NKD2: variants seen among roughly 807,000 people sequenced by gnomAD.
NKD2 encodes the protein protein naked cuticle homolog 2.
A neutral mutation model predicts 34.8 loss-of-function variants in NKD2; 43 were observed. The ratio of observed to expected loss-of-function variants is 1.24; its 90% CI spans 0.97 to 1.60. NKD2 has a LOEUF of 1.60. NKD2 is among the 40% of genes most tolerant of loss of function. NKD2 has a pLI of 0.00. For missense variants in NKD2, 675 were observed against 627.1 expected (o/e 1.08, Z -0.82); for synonymous variants, 278 against 265.1 (o/e 1.05, Z -0.47).
At position 1,009,689 on chromosome 5, in the gene NKD2, C is replaced by T. The variant is rs1579241567; in HGVS notation, c.141+129C>T. 2.8e-6 allele frequency: 2 copies of T among 721,636 alleles called. No individual in the cohort carries two copies. Among genetic ancestry groups the T allele is most frequent in the South Asian group, 2.5e-5 (1 of 40,626 alleles). 44.7% of individuals were successfully genotyped at this position (721,636 alleles called of 1,614,324 possible). A position where few individuals can be genotyped will look rare whatever the true frequency, so the allele number is the denominator to read the frequency against. On this transcript the variant is annotated intron_variant, in intron 3 of 9. Transcript: ENST00000296849. This position sits in a 1 kb window ranked among gnomAD's most constrained non-coding sequence, Gnocchi z 6.9. ...GGGCCGCCATGGCCGCACGAGTGAC[C>T]GGGGGCCAGGAGAGCCAGTCTCTCC...
rs908289423 is a variant in NKD2 at position 1,035,252 on chromosome 5, G to T, written c.575-137G>T. On this transcript the variant is annotated intron_variant, in intron 7 of 9. Coordinates refer to ENST00000296849, the MANE Select transcript of NKD2 (RefSeq NM_033120.4). ...TGAGTTAATGAATGAGTGAACAAGTGAGTGAGTTAATGAATGAGTGAACCA... is the reference window on the plus strand; with the variant it reads ...TGAGTTAATGAATGAGTGAACAAGTTAGTGAGTTAATGAATGAGTGAACCA... 5 of 719,822 alleles carry T rather than the reference G, an allele frequency of 6.9e-6. No homozygotes were observed. In the African/African-American group the frequency reaches 8.8e-5, roughly 13 times the overall value. The allele number at this position is 719,822 out of a possible 1,614,324, so 44.6% of individuals were successfully genotyped here.
chr5:1,009,166 C>G lies in NKD2; in HGVS notation c.26-13C>G, dbSNP rs1199364097. On this transcript the variant is annotated splice_polypyrimidine_tract_variant and intron_variant, in intron 1 of 9. Coordinates refer to ENST00000296849, the MANE Select transcript of NKD2 (RefSeq NM_033120.4). The surrounding 1 kb of genome is among the most constrained non-coding windows in gnomAD (Gnocchi z 6.9). ...CTGTCGTTTTCCTCTCCCCGCGTCC[C>G]GCCGTGCCGCAGCCGCCGCCGCCCG... 1 of 561,318 alleles carries G rather than the reference C, an allele frequency of 1.8e-6. No homozygotes were observed. The highest frequency in any genetic ancestry group is 3.2e-6 in the Non-Finnish European group (1 of 312,300). The allele number at this position is 561,318 out of a possible 1,614,324, so 34.8% of individuals were successfully genotyped here. A position where few individuals can be genotyped will look rare whatever the true frequency, so the allele number is the denominator to read the frequency against.
At chr5:1,033,554 A>AG (rs1756733586) in intron 5 of NKD2, 55 bp downstream of exon 5, 1 of 1,511,386 alleles carries the variant, frequency 6.6e-7, no homozygotes, top group Middle Eastern at 1.7e-4. Context: ...CCGGGGGCTC[A>AG]GGGACAGGCA....
At chr5:1,037,606 T>G in intron 9 of NKD2, 199 bp from the exon 10 acceptor site, 1 of 1,535,740 alleles carries the variant, frequency 6.5e-7, no homozygotes, top group South Asian at 1.2e-5. Flanking sequence ...CAGGGAGCTG[T>G]GGAGCCAGGC....
intron 3 of NKD2, among the ~76,000 whole-genome samples, chr5:1,026,880 CAGGCGCCT>C (rs1756435116): frequency 6.6e-6 from 1 of 152,362 alleles, no homozygotes; most frequent in East Asian, 1.9e-4. Context: ...CTAAGCTTGG[CAGGCGCCT>C]ACCTTGCTCC....
intron 3 of NKD2, among the ~76,000 whole-genome samples, chr5:1,010,236 A>C (rs77690245): frequency 6.6e-6 from 1 of 152,300 alleles, no homozygotes; most frequent in African/African-American, 2.4e-5. Context: ...CCTGGGGTAA[A>C]TTAGACCTGC....
chr5:1,038,387 C>T lies in NKD2; in HGVS notation c.*14C>T. 1 of 1,535,868 alleles carries T rather than the reference C, an allele frequency of 6.5e-7. No individual in the cohort carries two copies. Among genetic ancestry groups the T allele is most frequent in the South Asian group, 1.2e-5 (1 of 84,042 alleles). On this transcript the variant is annotated 3_prime_UTR_variant, in exon 10 of 10. Coordinates refer to ENST00000296849, the MANE Select transcript of NKD2 (RefSeq NM_033120.4). This position sits in a 1 kb window ranked among gnomAD's most constrained non-coding sequence, Gnocchi z 4.5. ...CACCCGTCCTAGCGCCACTGCCAAG[C>T]ACACCTCGCTCCCAGCACACCACAG...
chr5:1,021,654 C>T (rs898043545), intron 3 of NKD2, among the ~76,000 whole-genome samples: 50 of 151,930 alleles, frequency 3.3e-4, no homozygotes, highest in East Asian at 1.9e-4. Flanking sequence ...AAGCCGGCTG[C>T]GGGGTTTCCA....
At chr5:1,026,822 C>T (rs1252885185) in intron 3 of NKD2, among the ~76,000 whole-genome samples, 1 of 152,266 alleles carries the variant, frequency 6.6e-6, no homozygotes, top group Admixed American at 6.5e-5. Flanking sequence ...CCTGCCCAGC[C>T]GCATCCCAGG....
At chr5:1,036,466 C>A in intron 9 of NKD2, 82 bp downstream of exon 9, 1 of 1,186,114 alleles carries the variant, frequency 8.4e-7, no homozygotes, top group African/African-American at 1.5e-5. Flanking sequence ...GCCCTGAGTG[C>A]AGGGGGCCCC....
At chr5:1,020,599 C>G (rs1439698699) in intron 3 of NKD2, among the ~76,000 whole-genome samples, 3 of 151,840 alleles carry the variant, frequency 2.0e-5, no homozygotes, top group African/African-American at 7.3e-5. Flanking sequence ...TCCCTCTCTC[C>G]AAGCGTGGGG....
rs752971880 is a variant in NKD2, at chr5:1,035,382, C to T, written c.575-7C>T. The T allele has an allele frequency of 6.4e-7, 1 of 1,555,226 alleles. No individual in the cohort carries two copies. ...GGGAGTGAGTAATGGCAGGACCCCC[C>T]TTTCAGACCGGGAGCCCACCCGTTG... On this transcript the variant is annotated splice_region_variant and splice_polypyrimidine_tract_variant and intron_variant, in intron 7 of 9. Coordinates refer to ENST00000296849, the MANE Select transcript of NKD2 (RefSeq NM_033120.4).
chr5:1,033,099 T>C (rs1480505105), intron 4 of NKD2, among the ~76,000 whole-genome samples: 1 of 152,170 alleles, frequency 6.6e-6, no homozygotes, highest in Non-Finnish European at 1.5e-5. Context: ...TTCCCCTATC[T>C]GTGCTCCTCG....
chr5:1,021,462 T>A (rs1756182649), intron 3 of NKD2, among the ~76,000 whole-genome samples: 1 of 148,438 alleles, frequency 6.7e-6, no homozygotes, highest in Non-Finnish European at 1.5e-5. Flanking sequence ...TCATAGTACT[T>A]AAATCTTTCA....
rs761958109 is a variant in NKD2, at chr5:1,034,866, C to T, written c.537C>T (p.Pro179=). Residue 179 remains proline, a synonymous_variant, in exon 7 of 10, where the codon CCC becomes CCT. Coordinates refer to ENST00000296849, the MANE Select transcript of NKD2 (RefSeq NM_033120.4). Reference sequence around the variant, plus strand: ...TGAAGCTAACCGTCAGCCCTGAGCCCTCCAGCAAGAGGAAGGAGGGTCCTC... The same window carrying T: ...TGAAGCTAACCGTCAGCCCTGAGCCTTCCAGCAAGAGGAAGGAGGGTCCTC... The part of the protein sequence containing the change: ...LRVKLTVSPE[P]SSKRKEGPPA... The T allele has an allele frequency of 1.9e-6, 3 of 1,612,468 alleles. No individual in the cohort carries two copies. The highest frequency in any genetic ancestry group is 1.7e-6 in the Non-Finnish European group (2 of 1,179,808).
At chr5:1,014,751 C>T (rs1755881418) in intron 3 of NKD2, among the ~76,000 whole-genome samples, 1 of 152,216 alleles carries the variant, frequency 6.6e-6, no homozygotes, top group African/African-American at 2.4e-5. Flanking sequence ...GGCTCCTGTC[C>T]TCCACCCCCG....
chr5:1,024,142 T>A (rs371887750), intron 3 of NKD2, among the ~76,000 whole-genome samples: 1 of 3,144 alleles, frequency 3.2e-4, no homozygotes, highest in African/African-American at 3.4e-4. Flanking sequence ...CTTCCCACCC[T>A]CTGTGGGCGT....
intron 3 of NKD2, among the ~76,000 whole-genome samples, chr5:1,031,066 T>G (rs771682875): frequency 6.6e-6 from 1 of 152,098 alleles, no homozygotes; most frequent in Non-Finnish European, 1.5e-5. Context: ...CCCTGGCCAG[T>G]GACCACGGTG....
rs780254069 is a variant in NKD2 at position 1,034,193 on chromosome 5, G to T, written c.331-42G>T. On this transcript the variant is annotated intron_variant, in intron 5 of 9. Transcript: ENST00000296849. ...CCCCTGTGGAGTTGGGCGTGTTGGC[G>T]TGGGTAGGAGGCGAGGTCCCGGCCC... The T allele has an allele frequency of 4.8e-6, 7 of 1,451,506 alleles. No homozygotes were observed. In the Admixed American group the frequency reaches 5.3e-5, roughly 11 times the overall value. 89.9% of individuals were successfully genotyped at this position (1,451,506 alleles called of 1,614,324 possible).
Sources: gnomAD v4.1 joint callset for allele counts (sites outside exome capture counted in the v4.1 genomes callset) on GRCh38, gnomAD v4.1.1 for gene constraint, Gnocchi (gnomAD v3.1) non-coding constraint, MANE v1.5 for transcripts, NCBI Gene and HGNC (gene_info 2026-07-23, HGNC 2026-07-21) for gene names.